ERC1: variants seen among roughly 807,000 people sequenced by gnomAD.
The protein encoded by ERC1 is ELKS/RAB6-interacting/CAST family member 1, also known as RAB6 interacting protein 2.
ERC1 carries 56 observed loss-of-function variants against 132.0 expected under a neutral mutation model. The ratio of observed to expected loss-of-function variants is 0.42; its 90% CI spans 0.34 to 0.53. The LOEUF (loss-of-function observed/expected upper bound fraction) is 0.53, where lower values mean the gene tolerates loss of function less well. ERC1 is among the 20% of genes least tolerant of loss of function. The pLI is 0.03. For missense variants in ERC1, 1,202 were observed against 1,349.9 expected, an observed-to-expected ratio of 0.89 and a Z score of 1.72; for synonymous variants, 478 against 476.1, an observed-to-expected ratio of 1.00 and a Z score of -0.05.
At chr12:1,467,760 G>A (rs530312099) in intron 18 of ERC1, among the ~76,000 whole-genome samples, 3 of 152,296 alleles carry the variant, frequency 2.0e-5, no homozygotes, top group African/African-American at 4.8e-5. Context: ...TTGTTTTCCT[G>A]CAACTAGACT....
At chr12:1,342,436 C>G (rs1004697608) in intron 15 of ERC1, among the ~76,000 whole-genome samples, 2 of 147,740 alleles carry the variant, frequency 1.4e-5, no homozygotes, top group Non-Finnish European at 3.0e-5. Context: ...CATCGCACTC[C>G]AGCCTGGGCG....
chr12:1,487,935 T>C (rs541559879), intron 18 of ERC1, among the ~76,000 whole-genome samples: 3 of 151,420 alleles, frequency 2.0e-5, no homozygotes, highest in South Asian at 4.2e-4. Context: ...TCAGGAGATC[T>C]AGACCATTCT....
chr12:1,096,139 G>C (rs538112326), intron 3 of ERC1, among the ~76,000 whole-genome samples: 1 of 152,092 alleles, frequency 6.6e-6, no homozygotes, highest in Non-Finnish European at 1.5e-5. Flanking sequence ...TGTTGCCCAG[G>C]CTGGTCTCGA....
intron 2 of ERC1, among the ~76,000 whole-genome samples, chr12:1,065,694 ATCT>A (rs1443821501): frequency 6.6e-6 from 1 of 151,830 alleles, no homozygotes; most frequent in East Asian, 1.9e-4. Context: ...CTACTTTGGC[ATCT>A]GTGCATCTGG....
intron 16 of ERC1, among the ~76,000 whole-genome samples, chr12:1,388,759 A>T (rs1230896019): frequency 2.0e-5 from 3 of 152,244 alleles, no homozygotes; most frequent in Non-Finnish European, 4.4e-5. Flanking sequence ...AATCTATTCC[A>T]GTTGCCCAAA....
intron 1 of ERC1, among the ~76,000 whole-genome samples, chr12:1,018,092 T>C (rs1243463317): frequency 6.6e-6 from 1 of 152,190 alleles, no homozygotes; most frequent in East Asian, 1.9e-4. Context: ...GGAAGAACAG[T>C]TTTTTAAAAA....
At chr12:1,232,627 C>T (rs1235921888) in intron 12 of ERC1, among the ~76,000 whole-genome samples, 3 of 151,584 alleles carry the variant, frequency 2.0e-5, no homozygotes. Flanking sequence ...GTGTATTCTT[C>T]AGTTTCAAGA....
At chr12:1,475,034 G>C (rs934874555) in intron 18 of ERC1, among the ~76,000 whole-genome samples, 1 of 152,220 alleles carries the variant, frequency 6.6e-6, no homozygotes, top group Non-Finnish European at 1.5e-5. Context: ...CAGCTACTAA[G>C]AACAGAATGC....
chr12:1,325,439 A>G (rs2082379913), intron 15 of ERC1, among the ~76,000 whole-genome samples: 1 of 152,118 alleles, frequency 6.6e-6, no homozygotes, highest in African/African-American at 2.4e-5. Context: ...TTTATTCTTT[A>G]TCCTGTTTAA....
intron 7 of ERC1, among the ~76,000 whole-genome samples, chr12:1,128,706 G>A (rs977540796): frequency 6.6e-6 from 1 of 152,096 alleles, no homozygotes; most frequent in South Asian, 2.1e-4. Flanking sequence ...GTAAATATTA[G>A]CTATTATAAT....
intron 15 of ERC1, among the ~76,000 whole-genome samples, chr12:1,293,274 G>GA (rs1279709068): frequency 9.3e-5 from 14 of 150,784 alleles, no homozygotes; most frequent in East Asian, 1.9e-4. Context: ...CTAACACGGT[G>GA]AACCCCGTCT....
rs79510898 is a variant in ERC1 at position 1,268,180 on chromosome 12, T to A, written c.2619+5015T>A. On this transcript the variant is annotated intron_variant, in intron 14 of 18. Coordinates refer to ENST00000360905, the MANE Select transcript of ERC1 (RefSeq NM_178040.4). ...CTAATAGAACTATAATTGTATTCCTTCGTCTTTCTTATTGCCTTTTTTACT... is the reference window on the plus strand; with the variant it reads ...CTAATAGAACTATAATTGTATTCCTACGTCTTTCTTATTGCCTTTTTTACT... Among the ~76,000 whole-genome samples the A allele has an allele frequency of 8.6e-3, 1,306 of 152,366 alleles. 17 individuals carry two copies. The highest frequency in any genetic ancestry group is 0.03 in the African/African-American group (1,238 of 41,588).
intron 17 of ERC1, among the ~76,000 whole-genome samples, chr12:1,413,227 G>A (rs1384723547): frequency 6.6e-6 from 1 of 152,024 alleles, no homozygotes; most frequent in Non-Finnish European, 1.5e-5. Flanking sequence ...TAAGACACAC[G>A]GACTGAAGCA....
intron 8 of ERC1, among the ~76,000 whole-genome samples, chr12:1,143,329 CGTGTGTGTGT>C (rs4017792): frequency 0.04 from 5,192 of 128,938 alleles, 120 homozygotes; most frequent in South Asian, 0.077. Flanking sequence ...GCTTTTGACT[CGTGTGTGTGT>C]GTGTGTGTGT....
intron 12 of ERC1, among the ~76,000 whole-genome samples, chr12:1,224,825 A>C (rs2074424525): frequency 6.6e-6 from 1 of 151,938 alleles, no homozygotes; most frequent in Admixed American, 6.6e-5. Context: ...TACAAAAAAT[A>C]AACAGCAATA....
chr12:1,051,523 C>G (rs992285263), intron 2 of ERC1, among the ~76,000 whole-genome samples: 3 of 138,896 alleles, frequency 2.2e-5, no homozygotes, highest in Admixed American at 7.4e-5. Context: ...GGCCTCGTCT[C>G]TACCCCAAAA....
intron 14 of ERC1, among the ~76,000 whole-genome samples, chr12:1,286,602 C>G (rs1234011266): frequency 6.6e-6 from 1 of 151,836 alleles, no homozygotes; most frequent in African/African-American, 2.4e-5. Flanking sequence ...TGCAGCATGG[C>G]AAGTGAAAGA....
Position 1,183,321 on chromosome 12 carries a change from C to T in ERC1, c.2057C>T (p.Ala686Val). Residue 686 changes from alanine (A) to valine (V), a missense_variant, in exon 11 of 19, where the codon GCA becomes GTA. Ala to Val is a moderately conservative substitution (Grantham distance 64, BLOSUM62 0). Coordinates refer to ENST00000360905, the MANE Select transcript of ERC1 (RefSeq NM_178040.4). Reference sequence around the variant, plus strand: ...CTGAAAGAGCATGCTTCTTCTCTGGCATCCTCAGGACTGAAAAAGGACTCA... The same window carrying T: ...CTGAAAGAGCATGCTTCTTCTCTGGTATCCTCAGGACTGAAAAAGGACTCA... The part of the protein sequence containing the change: ...LDLKEHASSL[A>V]SSGLKKDSRL... The T allele has an allele frequency of 6.3e-7, 1 of 1,580,058 alleles. No individual in the cohort carries two copies.
In ERC1 at chr12:1,104,833, G is replaced by A. The variant is rs776255366; in HGVS notation, c.1161+9G>A. The stretch of plus-strand genomic sequence containing the variant: ...CTGTTATTGAGATGAAGGTAAGTGA[G>A]AATCTAGTAAAGAATCTTATGAATT... On this transcript the variant is annotated intron_variant, in intron 4 of 18. Coordinates refer to ENST00000360905, the MANE Select transcript of ERC1 (RefSeq NM_178040.4). 5.0e-6 allele frequency: 8 copies of A among 1,589,648 alleles called. No homozygotes were observed. The highest frequency in any genetic ancestry group is 6.9e-6 in the Non-Finnish European group (8 of 1,157,918).
Sources: gnomAD v4.1 joint callset for allele counts (sites outside exome capture counted in the v4.1 genomes callset) on GRCh38, gnomAD v4.1.1 for gene constraint, MANE v1.5 for transcripts, NCBI Gene and HGNC (gene_info 2026-07-23, HGNC 2026-07-21) for gene names.